Variants in TNIK observed in about 807,000 individuals in gnomAD.
TNIK encodes the protein TRAF2 and NCK-interacting protein kinase.
TNIK carries 49 observed loss-of-function variants against 191.3 expected under a neutral mutation model. The ratio of observed to expected loss-of-function variants is 0.26; its 90% CI spans 0.20 to 0.32. The LOEUF is 0.32. Ranked by LOEUF, TNIK falls within the 10% of genes least tolerant of loss-of-function variation. TNIK has a pLI of 1.00. For missense variants in TNIK, 1,155 were observed against 1,702.3 expected (o/e 0.68, Z 5.66); for synonymous variants, 594 against 600.9 (o/e 0.99, Z 0.17).
At chr3:171,400,032 G>A (rs1720722055) in intron 1 of TNIK, among the ~76,000 whole-genome samples, 1 of 152,178 alleles carries the variant, frequency 6.6e-6, no homozygotes, top group African/African-American at 2.4e-5. Context: ...GGACACAGCA[G>A]GAGTAAGGCT....
intron 2 of TNIK, among the ~76,000 whole-genome samples, chr3:171,296,463 A>G (rs1254306036): frequency 1.3e-5 from 2 of 152,252 alleles, no homozygotes; most frequent in East Asian, 3.9e-4. Context: ...TGTTAGTTAC[A>G]TTGATTTTAA....
At chr3:171,121,598 C>T (rs1422745623) in intron 18 of TNIK, among the ~76,000 whole-genome samples, 4 of 152,176 alleles carry the variant, frequency 2.6e-5, no homozygotes, top group East Asian at 1.9e-4. Flanking sequence ...TGAGCCCAGG[C>T]GAGAGCAGCT....
chr3:171,219,028 T>C (rs1163587401), intron 3 of TNIK, among the ~76,000 whole-genome samples: 11 of 107,748 alleles, frequency 1.0e-4, no homozygotes, highest in African/African-American at 4.8e-4. Flanking sequence ...TATATTAGTG[T>C]ATTAATTATA....
chr3:171,435,642 G>A (rs771484003), intron 1 of TNIK, among the ~76,000 whole-genome samples: 12 of 152,150 alleles, frequency 7.9e-5, no homozygotes, highest in Non-Finnish European at 1.2e-4. Flanking sequence ...CCATTGAAAT[G>A]ATCCCATAAT....
intron 2 of TNIK, among the ~76,000 whole-genome samples, chr3:171,231,322 T>G (rs562393471): frequency 9.2e-5 from 14 of 152,130 alleles, no homozygotes; most frequent in African/African-American, 1.9e-4. Context: ...GTTTTGTTTT[T>G]TTTTTTGTTT....
chr3:171,154,488 T>C (rs988074290), intron 12 of TNIK, among the ~76,000 whole-genome samples: 6 of 152,036 alleles, frequency 3.9e-5, no homozygotes, highest in Non-Finnish European at 8.8e-5. Flanking sequence ...CTCCCCAAAA[T>C]GAAAGTATAG....
intron 21 of TNIK, among the ~76,000 whole-genome samples, chr3:171,103,843 G>A (rs2108465418): frequency 1.3e-5 from 2 of 151,920 alleles, no homozygotes; most frequent in East Asian, 3.9e-4. Context: ...TTCAAAACGA[G>A]ACAAAAGAAA....
chr3:171,117,163 T>C (rs1232746189), intron 18 of TNIK, among the ~76,000 whole-genome samples: 1 of 152,030 alleles, frequency 6.6e-6, no homozygotes, highest in Non-Finnish European at 1.5e-5. Context: ...TAAATAACAA[T>C]AGGATCAAGA....
At chr3:171,348,513 A>G (rs777726933) in intron 2 of TNIK, among the ~76,000 whole-genome samples, 27 of 152,348 alleles carry the variant, frequency 1.8e-4, no homozygotes, top group Non-Finnish European at 3.4e-4. Flanking sequence ...TAGAGCCTAC[A>G]GTACTTTTTG....
intron 18 of TNIK, among the ~76,000 whole-genome samples, chr3:171,112,640 GT>G (rs1324573221): frequency 6.6e-6 from 1 of 151,598 alleles, no homozygotes; most frequent in East Asian, 1.9e-4. Flanking sequence ...AGTTGCTGGG[GT>G]TTTTTTCTTT....
At chr3:171,244,822 T>C (rs1334213601) in intron 2 of TNIK, among the ~76,000 whole-genome samples, 1 of 149,878 alleles carries the variant, frequency 6.7e-6, no homozygotes, top group Non-Finnish European at 1.5e-5. Context: ...TTAAATATTA[T>C]ATATTTATTA....
At chr3:171,174,376 T>C (rs372164315) in intron 9 of TNIK, among the ~76,000 whole-genome samples, 36 of 152,072 alleles carry the variant, frequency 2.4e-4, no homozygotes, top group African/African-American at 8.5e-4. Flanking sequence ...AGAAAAAGGA[T>C]AGGAGGTCAC....
At chr3:171,197,478 T>A (rs1315236385) in intron 4 of TNIK, among the ~76,000 whole-genome samples, 1 of 151,472 alleles carries the variant, frequency 6.6e-6, no homozygotes, top group East Asian at 1.9e-4. Flanking sequence ...GCCCACAGAA[T>A]GGGAAAAGTA....
rs143563797 is a variant in TNIK, at chr3:171,267,649, G to A, written c.124-39428C>T. On this transcript the variant is annotated intron_variant, in intron 2 of 32. Coordinates refer to ENST00000436636, the MANE Select transcript of TNIK (RefSeq NM_015028.4). ...ATCAGCCTATTAATAACATCTTATCGTAAGGATAAATTACAGTGCCATCCA... is the reference window on the plus strand; with the variant it reads ...ATCAGCCTATTAATAACATCTTATCATAAGGATAAATTACAGTGCCATCCA... Among the ~76,000 whole-genome samples, 125 of 152,152 alleles carry A rather than the reference G, an allele frequency of 8.2e-4. 1 individual carries two copies. The South Asian group carries it at 0.021, about 26-fold the overall frequency.
rs550635157 is a variant in TNIK at position 171,446,207 on chromosome 3, A to G, written c.57+13800T>C. On this transcript the variant is annotated intron_variant, in intron 1 of 32. Transcript: ENST00000436636. Reference sequence around the variant, plus strand: ...TAAGTGCATTTGTATCCAGATTATAATCAGAGAGGGTATTTAATTAGATAA... The same window carrying G: ...TAAGTGCATTTGTATCCAGATTATAGTCAGAGAGGGTATTTAATTAGATAA... 3.9e-5 allele frequency among the ~76,000 whole-genome samples: 6 copies of G among 152,344 alleles called. No homozygotes were observed. The South Asian group carries it at 1.2e-3, about 32-fold the overall frequency.
intron 2 of TNIK, among the ~76,000 whole-genome samples, chr3:171,297,605 T>C (rs920624561): frequency 3.3e-5 from 5 of 152,176 alleles, no homozygotes; most frequent in Admixed American, 1.3e-4. Flanking sequence ...CTTTTATCAC[T>C]GATAGGTCAT....
At chr3:171,103,874 T>C (rs952876873) in intron 21 of TNIK, among the ~76,000 whole-genome samples, 3 of 152,110 alleles carry the variant, frequency 2.0e-5, no homozygotes, top group Non-Finnish European at 2.9e-5. Context: ...TCAAAATTAT[T>C]TTAGAAATAT....
intron 2 of TNIK, among the ~76,000 whole-genome samples, chr3:171,283,882 G>C (rs955046581): frequency 1.6e-4 from 24 of 152,202 alleles, no homozygotes; most frequent in African/African-American, 5.8e-4. Flanking sequence ...CCATCTTCCA[G>C]GTTTTCCACA....
chr3:171,082,684 G>T, intron 26 of TNIK: 1 of 285,492 alleles, frequency 3.5e-6, no homozygotes. Context: ...CAGATGTGAA[G>T]CTAGCATAAT....
Sources: allele counts gnomAD v4.1 joint callset (sites outside exome capture counted in the v4.1 genomes callset), GRCh38; gene constraint gnomAD v4.1.1; transcripts MANE v1.5; gene names NCBI Gene and HGNC (gene_info 2026-07-23, HGNC 2026-07-21).